Variants in MBNL2 observed in about 807,000 individuals in gnomAD.
The protein encoded by MBNL2 is muscleblind like splicing regulator 2.
A neutral mutation model predicts 41.9 loss-of-function variants in MBNL2; 17 were observed. The observed-to-expected ratio is 0.41, with a 90% CI of 0.28 to 0.61. MBNL2 has a LOEUF of 0.61. Among genes scored for constraint, MBNL2 ranks in the 20% least tolerant of loss-of-function variants. The pLI is 0.35. For missense variants in MBNL2, 336 were observed against 505.6 expected (o/e 0.66, Z 3.22); for synonymous variants, 195 against 182.9 (o/e 1.07, Z -0.53).
At chr13:97,214,511 AG>A in the MBNL2 span, among the ~76,000 whole-genome samples, 12 of 152,242 alleles carry the variant, frequency 7.9e-5, no homozygotes, top group Non-Finnish European at 1.6e-4. Flanking sequence ...CAGAAACAAA[AG>A]GAAAAGTATA....
rs112180751 is a variant in MBNL2 at position 97,327,499 on chromosome 13, TC to T, written c.175-6776del. On this transcript the variant is annotated intron_variant, in intron 2 of 8. Coordinates refer to ENST00000679496, the MANE Select transcript of MBNL2 (RefSeq NM_001382683.1). ...AAGGAGTTGAGATATAGGAACAGGA[TC>T]ACCCCTATTTGACAGATGAGAAAAT... Among the ~76,000 whole-genome samples the T allele has an allele frequency of 4.5e-3, 622 of 136,836 alleles. 7 individuals carry two copies. The highest frequency in any genetic ancestry group is 0.017 in the African/African-American group (595 of 35,290). The allele number at this position is 136,836 out of a possible 152,430, so 89.8% of individuals were successfully genotyped here. A position where few individuals can be genotyped will look rare whatever the true frequency, so the allele number is the denominator to read the frequency against.
At chr13:97,364,654 G>T (rs901984787) in intron 7 of MBNL2, among the ~76,000 whole-genome samples, 2 of 152,202 alleles carry the variant, frequency 1.3e-5, no homozygotes. Flanking sequence ...AGTAAGTTCA[G>T]TGTATTCTAG....
At chr13:97,177,597 G>A in the MBNL2 span, among the ~76,000 whole-genome samples, 1 of 152,136 alleles carries the variant, frequency 6.6e-6, no homozygotes, top group African/African-American at 2.4e-5. Context: ...GATCCAGAAT[G>A]AAGAAATAGA....
At chr13:97,371,660 C>A (rs373466975) in intron 8 of MBNL2, among the ~76,000 whole-genome samples, 1 of 151,950 alleles carries the variant, frequency 6.6e-6, no homozygotes, top group East Asian at 1.9e-4. Flanking sequence ...GGATTCGAGG[C>A]GGGAGAGTCT....
At chr13:97,203,360 C>T in the MBNL2 span, among the ~76,000 whole-genome samples, 1 of 152,128 alleles carries the variant, frequency 6.6e-6, no homozygotes, top group Non-Finnish European at 1.5e-5. Flanking sequence ...AATAGAGGCG[C>T]AAGTCTTTAT....
chr13:97,222,392 A>G lies in MBNL2; in HGVS notation c.-744A>G, dbSNP rs1485290002. 1 of 398,552 alleles carries G rather than the reference A, an allele frequency of 2.5e-6. No individual in the cohort carries two copies. The highest frequency in any genetic ancestry group is 4.4e-6 in the Non-Finnish European group (1 of 226,080). 24.7% of individuals were successfully genotyped at this position (398,552 alleles called of 1,614,324 possible). ...TTTCCAGATACGGCAGACGGCTTTC[A>G]GAGTACAATAAACAGGGAATGAGAA... On this transcript the variant is annotated 5_prime_UTR_variant, in exon 1 of 9. Transcript: ENST00000679496.
At chr13:97,323,564 A>G (rs1162515296) in intron 2 of MBNL2, among the ~76,000 whole-genome samples, 2 of 152,200 alleles carry the variant, frequency 1.3e-5, no homozygotes, top group East Asian at 1.9e-4. Context: ...GAAGATGTGT[A>G]TAGGTTATAT....
the MBNL2 span, among the ~76,000 whole-genome samples, chr13:97,178,399 G>A: frequency 2.0e-5 from 3 of 152,294 alleles, no homozygotes; most frequent in South Asian, 6.2e-4. Context: ...GGAAAAAGCA[G>A]TAATAGTGTA....
chr13:97,353,453 A>G (rs1310080913), intron 5 of MBNL2, among the ~76,000 whole-genome samples: 1 of 152,204 alleles, frequency 6.6e-6, no homozygotes, highest in African/African-American at 2.4e-5. Flanking sequence ...ATAGAGTTAG[A>G]AGATATTAAT....
chr13:97,309,871 A>T (rs764412722), intron 2 of MBNL2, among the ~76,000 whole-genome samples: 1 of 152,254 alleles, frequency 6.6e-6, no homozygotes, highest in African/African-American at 2.4e-5. Context: ...GTTTCATTCA[A>T]GTTAACACCA....
chr13:97,330,635 C>T (rs922632386), intron 2 of MBNL2, among the ~76,000 whole-genome samples: 20 of 152,220 alleles, frequency 1.3e-4, no homozygotes, highest in Non-Finnish European at 1.5e-4. Context: ...TACACAAAGA[C>T]GCTTTACGCT....
At chr13:97,282,785 T>C (rs540015517) in intron 2 of MBNL2, among the ~76,000 whole-genome samples, 1 of 152,230 alleles carries the variant, frequency 6.6e-6, no homozygotes, top group Non-Finnish European at 1.5e-5. Flanking sequence ...CTTCATGTCA[T>C]AGTTTACTCC....
the MBNL2 span, among the ~76,000 whole-genome samples, chr13:97,156,880 C>T: frequency 6.6e-6 from 1 of 152,168 alleles, no homozygotes; most frequent in Non-Finnish European, 1.5e-5. Flanking sequence ...GTGATGCGGG[C>T]TCTTTTGGTT....
At chr13:97,171,946 C>T in the MBNL2 span, among the ~76,000 whole-genome samples, 55 of 152,264 alleles carry the variant, frequency 3.6e-4, no homozygotes, top group African/African-American at 1.3e-3. Context: ...GTAAGATGTG[C>T]CTTTTGCCTT....
chr13:97,201,141 T>G, the MBNL2 span, among the ~76,000 whole-genome samples: 18 of 152,360 alleles, frequency 1.2e-4, no homozygotes, highest in African/African-American at 4.3e-4. Context: ...GATGAGTTTT[T>G]AATGATCTAT....
chr13:97,377,609 T>C (rs1432785925), intron 8 of MBNL2, among the ~76,000 whole-genome samples: 7 of 152,174 alleles, frequency 4.6e-5, no homozygotes, highest in Admixed American at 3.3e-4. Flanking sequence ...CTTTCAATAT[T>C]TGTCATTGTT....
chr13:97,317,322 T>C (rs2059143014), intron 2 of MBNL2, among the ~76,000 whole-genome samples: 1 of 152,010 alleles, frequency 6.6e-6, no homozygotes, highest in South Asian at 2.1e-4. Flanking sequence ...AAAATATCAA[T>C]CCTGTAAAAA....
At chr13:97,263,360 C>T (rs2049020677) in intron 1 of MBNL2, among the ~76,000 whole-genome samples, 1 of 152,158 alleles carries the variant, frequency 6.6e-6, no homozygotes, top group South Asian at 2.1e-4. Flanking sequence ...CCAGTGTTCC[C>T]CACTGTCTAC....
At chr13:97,253,674 T>TA (rs1213015681) in intron 1 of MBNL2, among the ~76,000 whole-genome samples, 2 of 152,148 alleles carry the variant, frequency 1.3e-5, no homozygotes, top group Non-Finnish European at 2.9e-5. Flanking sequence ...ATCACTCATA[T>TA]AAAAAATTCT....
Sources: allele counts gnomAD v4.1 joint callset (sites outside exome capture counted in the v4.1 genomes callset), GRCh38; gene constraint gnomAD v4.1.1; transcripts MANE v1.5; gene names NCBI Gene and HGNC (gene_info 2026-07-23, HGNC 2026-07-21).